MTUS2: variants seen among roughly 807,000 people sequenced by gnomAD.
MTUS2 encodes the protein microtubule associated scaffold protein 2, also known as microtubule-associated tumor suppressor candidate 2.
In MTUS2, 40 loss-of-function variants were observed where a neutral mutation model predicts 114.1. The ratio of observed to expected loss-of-function variants is 0.35; its 90% CI spans 0.27 to 0.46. The LOEUF (loss-of-function observed/expected upper bound fraction) is 0.46, where lower values mean the gene tolerates loss of function less well. Among genes scored for constraint, MTUS2 ranks in the 20% least tolerant of loss-of-function variants. The pLI is 1.00. For synonymous variants in MTUS2, 688 were observed against 672.0 expected, an observed-to-expected ratio of 1.02 and a Z score of -0.37; for missense variants, 1,679 against 1,705.4, an observed-to-expected ratio of 0.98 and a Z score of 0.27.
intron 8 of MTUS2, among the ~76,000 whole-genome samples, chr13:29,371,168 C>A (rs888559789): frequency 6.6e-6 from 1 of 151,668 alleles, no homozygotes; most frequent in African/African-American, 2.4e-5. Context: ...CACTGATATG[C>A]TTTTTATTTT....
chr13:29,235,884 T>C (rs111673528), intron 5 of MTUS2, among the ~76,000 whole-genome samples: 9 of 152,312 alleles, frequency 5.9e-5, no homozygotes, highest in African/African-American at 2.2e-4. Flanking sequence ...CAATGATATT[T>C]TTTGCTTTTT....
intron 3 of MTUS2, among the ~76,000 whole-genome samples, chr13:29,030,190 CT>C (rs1886751383): frequency 6.6e-6 from 1 of 152,104 alleles, no homozygotes; most frequent in Admixed American, 6.5e-5. Flanking sequence ...ATTTTCTCTA[CT>C]TCATTATCTA....
chr13:29,181,353 T>G (rs1893996778), intron 5 of MTUS2, among the ~76,000 whole-genome samples: 1 of 152,104 alleles, frequency 6.6e-6, no homozygotes, highest in Non-Finnish European at 1.5e-5. Flanking sequence ...AGGGCTGAGG[T>G]GGGGGCAGTT....
chr13:28,973,013 T>C (rs1192784094), intron 2 of MTUS2, among the ~76,000 whole-genome samples: 1 of 152,140 alleles, frequency 6.6e-6, no homozygotes, highest in Non-Finnish European at 1.5e-5. Context: ...TATCAAAAAA[T>C]ATATATAGTT....
intron 3 of MTUS2, among the ~76,000 whole-genome samples, chr13:29,029,271 G>A (rs1488795540): frequency 6.6e-6 from 1 of 152,214 alleles, no homozygotes; most frequent in Non-Finnish European, 1.5e-5. Flanking sequence ...GTCTTGCTGT[G>A]CGGGGCTGCA....
chr13:28,868,641 G>T (rs1877439721), intron 2 of MTUS2, among the ~76,000 whole-genome samples: 2 of 152,066 alleles, frequency 1.3e-5, no homozygotes, highest in Admixed American at 6.5e-5. Flanking sequence ...ACAATCCAGT[G>T]GTTTTAAAAT....
In MTUS2 at chr13:29,335,713, G is replaced by A. The variant is rs1345978911; in HGVS notation, c.2905+11002G>A. Among the ~76,000 whole-genome samples, 7 of 152,240 alleles carry A rather than the reference G, an allele frequency of 4.6e-5. No individual in the cohort carries two copies. The South Asian group carries it at 1.5e-3, about 32-fold the overall frequency. On this transcript the variant is annotated intron_variant, in intron 7 of 15. Coordinates refer to ENST00000612955, the MANE Select transcript of MTUS2 (RefSeq NM_001033602.4). Reference sequence around the variant, plus strand: ...AAAAGAACATATGTGAATTATCGGGGGCGGGTTCCCCCAATCGGCCTGTCT... The same window carrying A: ...AAAAGAACATATGTGAATTATCGGGAGCGGGTTCCCCCAATCGGCCTGTCT...
At chr13:29,101,984 A>T (rs1418011565) in intron 5 of MTUS2, among the ~76,000 whole-genome samples, 3 of 152,112 alleles carry the variant, frequency 2.0e-5, no homozygotes, top group South Asian at 2.1e-4. Context: ...CTTTGTCTTG[A>T]TGTGTTTGTA....
At chr13:29,377,536 A>C (rs1253760416) in intron 8 of MTUS2, among the ~76,000 whole-genome samples, 1 of 152,232 alleles carries the variant, frequency 6.6e-6, no homozygotes, top group Non-Finnish European at 1.5e-5. Context: ...TGGGTCAAAG[A>C]GGAACTTTTG....
At chr13:28,921,149 G>A (rs1881020461) in intron 2 of MTUS2, among the ~76,000 whole-genome samples, 1 of 152,160 alleles carries the variant, frequency 6.6e-6, no homozygotes, top group African/African-American at 2.4e-5. Context: ...CTGAGAATTT[G>A]CTTGGTTACA....
intron 2 of MTUS2, among the ~76,000 whole-genome samples, chr13:29,003,662 C>A (rs564377413): frequency 6.6e-6 from 1 of 152,158 alleles, no homozygotes; most frequent in African/African-American, 2.4e-5. Context: ...AGGGGCCAGA[C>A]TCCTTAGCAT....
intron 5 of MTUS2, among the ~76,000 whole-genome samples, chr13:29,235,041 G>A (rs1896480457): frequency 6.6e-6 from 1 of 152,030 alleles, no homozygotes; most frequent in African/African-American, 2.4e-5. Context: ...GACTTAGTAT[G>A]TTAATATCAT....
In MTUS2 at chr13:29,359,454, C is replaced by T. The variant is rs762048031; in HGVS notation, c.3098C>T (p.Thr1033Met). Reference sequence around the variant, plus strand: ...GGCTTTGATGCCCTCGCCGTGGCCACGCAGCATTTCTTTAGAAAGGTGAGG... The same window carrying T: ...GGCTTTGATGCCCTCGCCGTGGCCATGCAGCATTTCTTTAGAAAGGTGAGG... ...ICGFDALAVA[T>M]QHFFRKNESA... is the part of the protein sequence containing the mutation. Residue 1033 changes from threonine to methionine, a missense_variant, in exon 8 of 16, where the codon ACG (threonine) becomes ATG (methionine). This residue lies in a region of MTUS2 where 822 missense variants were observed against 899.7 expected (regional missense o/e 0.91). Transcript: ENST00000612955. 19 of 1,610,968 alleles carry T rather than the reference C, an allele frequency of 1.2e-5. No individual in the cohort carries two copies. The highest frequency in any genetic ancestry group is 2.2e-5 in the South Asian group (2 of 90,470).
chr13:29,185,073 T>C (rs757727923), intron 5 of MTUS2, among the ~76,000 whole-genome samples: 28 of 152,098 alleles, frequency 1.8e-4, no homozygotes, highest in Admixed American at 6.6e-5. Flanking sequence ...TCAAAAAAGA[T>C]ACAAAAGTTT....
intron 4 of MTUS2, among the ~76,000 whole-genome samples, chr13:29,070,852 T>C (rs1028115068): frequency 1.3e-5 from 2 of 152,194 alleles, no homozygotes; most frequent in Non-Finnish European, 2.9e-5. Flanking sequence ...TGGTGTGATT[T>C]CTCTTACCTT....
intron 4 of MTUS2, among the ~76,000 whole-genome samples, chr13:29,091,974 C>G (rs1368504977): frequency 1.3e-5 from 2 of 152,198 alleles, no homozygotes; most frequent in Admixed American, 6.5e-5. Flanking sequence ...TGGTCATTGT[C>G]TCAGCATCCT....
At chr13:28,891,382 T>C (rs1231093247) in intron 2 of MTUS2, among the ~76,000 whole-genome samples, 2 of 152,200 alleles carry the variant, frequency 1.3e-5, no homozygotes, top group Non-Finnish European at 2.9e-5. Flanking sequence ...ATCTACTCTT[T>C]TATGTTTCAC....
At chr13:29,418,008 T>C (rs923703971) in intron 8 of MTUS2, among the ~76,000 whole-genome samples, 3 of 152,160 alleles carry the variant, frequency 2.0e-5, no homozygotes, top group Non-Finnish European at 4.4e-5. Context: ...TTGTATCTTT[T>C]GATTTTTTGG....
chr13:29,411,061 A>G (rs1460949739), intron 8 of MTUS2, among the ~76,000 whole-genome samples: 1 of 152,114 alleles, frequency 6.6e-6, no homozygotes, highest in Non-Finnish European at 1.5e-5. Context: ...TGAACTCCTG[A>G]CCTCAGGTGA....
Sources: allele counts gnomAD v4.1 joint callset (sites outside exome capture counted in the v4.1 genomes callset), GRCh38; gene constraint gnomAD v4.1.1; regional missense constraint gnomAD v4.1.1; transcripts MANE v1.5; gene names NCBI Gene and HGNC (gene_info 2026-07-23, HGNC 2026-07-21).